Variants in DACH1 observed in about 807,000 individuals in gnomAD.
DACH1 encodes dachshund family transcription factor 1, also known as dachshund homolog 1.
In DACH1, 12 loss-of-function variants were observed where a neutral mutation model predicts 54.2. The ratio of observed to expected loss-of-function variants is 0.22; its 90% CI spans 0.14 to 0.36. The LOEUF is 0.36. Ranked by LOEUF, DACH1 falls within the 10% of genes least tolerant of loss-of-function variation. DACH1 has a pLI of 1.00. For missense variants in DACH1, 805 were observed against 929.8 expected (o/e 0.87, Z 1.75); for synonymous variants, 386 against 366.2 (o/e 1.05, Z -0.62).
chr13:71,660,315 G>C (rs1193651402), intron 2 of DACH1, among the ~76,000 whole-genome samples: 2 of 151,930 alleles, frequency 1.3e-5, no homozygotes, highest in East Asian at 3.9e-4. Context: ...AATGTTAGAA[G>C]GGTCATAATT....
chr13:71,594,392 C>T (rs951123900), intron 3 of DACH1, among the ~76,000 whole-genome samples: 1 of 151,992 alleles, frequency 6.6e-6, no homozygotes, highest in Non-Finnish European at 1.5e-5. Context: ...TAACTACCTA[C>T]TAAGGAAACA....
At chr13:71,591,796 G>A (rs970571731) in intron 3 of DACH1, among the ~76,000 whole-genome samples, 1 of 152,004 alleles carries the variant, frequency 6.6e-6, no homozygotes, top group Non-Finnish European at 1.5e-5. Context: ...GAACATCCAG[G>A]TTACATTAAT....
At chr13:71,449,289 G>A (rs762895424) in intron 10 of DACH1, among the ~76,000 whole-genome samples, 4 of 151,920 alleles carry the variant, frequency 2.6e-5, no homozygotes, top group Non-Finnish European at 4.4e-5. Context: ...TCGAACCACT[G>A]CACTCCAGCC....
intron 1 of DACH1, among the ~76,000 whole-genome samples, chr13:71,861,354 C>G (rs1288235678): frequency 6.6e-6 from 1 of 151,878 alleles, no homozygotes; most frequent in East Asian, 1.9e-4. Context: ...TCATCATAAC[C>G]ATGTTCACTT....
At chr13:71,562,877 T>A (rs549223381) in intron 4 of DACH1, among the ~76,000 whole-genome samples, 2 of 152,182 alleles carry the variant, frequency 1.3e-5, no homozygotes, top group South Asian at 4.1e-4. Context: ...ACACCATAAT[T>A]CAAAAGTTTA....
At chr13:71,571,477 A>G (rs1593913767) in intron 4 of DACH1, among the ~76,000 whole-genome samples, 1 of 152,130 alleles carries the variant, frequency 6.6e-6, no homozygotes, top group African/African-American at 2.4e-5. Flanking sequence ...CTCTTAGAGA[A>G]GAGTTTTCAA....
intron 1 of DACH1, among the ~76,000 whole-genome samples, chr13:71,798,422 G>A (rs1887155029): frequency 7.0e-6 from 1 of 143,200 alleles, no homozygotes; most frequent in African/African-American, 2.6e-5. Flanking sequence ...AAGTACTTAA[G>A]GTGCATTCAT....
intron 1 of DACH1, among the ~76,000 whole-genome samples, chr13:71,797,197 G>A (rs957400356): frequency 6.6e-6 from 1 of 151,940 alleles, no homozygotes; most frequent in Non-Finnish European, 1.5e-5. Context: ...TTGATTCAAA[G>A]CTGCTTTAAT....
chr13:71,722,846 T>C (rs1463586862), intron 1 of DACH1, among the ~76,000 whole-genome samples: 1 of 152,062 alleles, frequency 6.6e-6, no homozygotes, highest in East Asian at 1.9e-4. Context: ...GGCTTTCTCA[T>C]AAACTACGAT....
At chr13:71,675,594 TAA>T (rs1880515966) in intron 2 of DACH1, 1 of 634,268 alleles carries the variant, frequency 1.6e-6, no homozygotes, top group Non-Finnish European at 2.7e-6. Context: ...AAAAGGTACC[TAA>T]GTCTATGATT....
intron 1 of DACH1, among the ~76,000 whole-genome samples, chr13:71,722,055 A>T (rs1375706326): frequency 6.6e-6 from 1 of 152,310 alleles, no homozygotes; most frequent in African/African-American, 2.4e-5. Context: ...TGAATAATTT[A>T]TATATTAGAA....
rs1435042371 is a variant in DACH1, at chr13:71,478,563, A to G, written c.1870+606T>C. Among the ~76,000 whole-genome samples the G allele has an allele frequency of 3.3e-5, 5 of 152,192 alleles. No homozygotes were observed. The East Asian group carries it at 9.6e-4, about 29-fold the overall frequency. On this transcript the variant is annotated intron_variant, in intron 8 of 10. Transcript: ENST00000613252. ...CTTCAAAATTATCTATAGATGCACC[A>G]TACAGTGTGACAAAAGAAGCAGTTC...
At chr13:71,747,870 A>G (rs1884667019) in intron 1 of DACH1, among the ~76,000 whole-genome samples, 1 of 152,054 alleles carries the variant, frequency 6.6e-6, no homozygotes, top group South Asian at 2.1e-4. Context: ...CTCAGGACCG[A>G]TAGGTAGGAC....
At chr13:71,647,387 A>AT (rs969859908) in intron 2 of DACH1, among the ~76,000 whole-genome samples, 13 of 152,064 alleles carry the variant, frequency 8.5e-5, no homozygotes, top group African/African-American at 2.2e-4. Context: ...CTAGAACCCA[A>AT]TTTTTTTTCC....
intron 2 of DACH1, among the ~76,000 whole-genome samples, chr13:71,666,299 G>A (rs938378103): frequency 1.2e-4 from 19 of 152,112 alleles, no homozygotes; most frequent in African/African-American, 4.6e-4. Flanking sequence ...ATCTATAAAA[G>A]AGATGTGAGA....
chr13:71,444,493 A>AT (rs1265563705), intron 10 of DACH1, among the ~76,000 whole-genome samples: 1 of 152,162 alleles, frequency 6.6e-6, no homozygotes, highest in Admixed American at 6.5e-5. Context: ...TTCAAATTTC[A>AT]TTAACCTAAG....
chr13:71,840,388 G>A (rs1165380318), intron 1 of DACH1, among the ~76,000 whole-genome samples: 1 of 152,054 alleles, frequency 6.6e-6, no homozygotes, highest in Admixed American at 6.6e-5. Context: ...ATTTCCCAGT[G>A]ATTTATTGTT....
At chr13:71,548,127 TA>T (rs1215964360) in intron 6 of DACH1, among the ~76,000 whole-genome samples, 4 of 152,208 alleles carry the variant, frequency 2.6e-5, no homozygotes, top group African/African-American at 4.8e-5. Context: ...TTTCTCTTTT[TA>T]AAAATTTAGA....
At chr13:71,653,842 T>C (rs1878854634) in intron 2 of DACH1, among the ~76,000 whole-genome samples, 1 of 152,336 alleles carries the variant, frequency 6.6e-6, no homozygotes, top group African/African-American at 2.4e-5. Context: ...AAAGAATCAC[T>C]GTAACTATAC....
Sources: gnomAD v4.1 joint callset for allele counts (sites outside exome capture counted in the v4.1 genomes callset) on GRCh38, gnomAD v4.1.1 for gene constraint, MANE v1.5 for transcripts, NCBI Gene and HGNC (gene_info 2026-07-23, HGNC 2026-07-21) for gene names.